FSIP2: variants seen among roughly 807,000 people sequenced by gnomAD.
FSIP2 encodes the protein fibrous sheath interacting protein 2.
A neutral mutation model predicts 510.5 loss-of-function variants in FSIP2; 367 were observed. That is an observed-to-expected ratio of 0.72 (90% CI 0.66 to 0.78). The LOEUF (loss-of-function observed/expected upper bound fraction) is 0.78, where lower values mean the gene tolerates loss of function less well. Among genes scored for constraint, FSIP2 ranks in the 30% least tolerant of loss-of-function variants. FSIP2 has a pLI of 0.00. For synonymous variants in FSIP2, 2,601 were observed against 2,732.2 expected (o/e 0.95, Z 1.50); for missense variants, 7,594 against 7,901.7 (o/e 0.96, Z 1.48).
chr2:185,796,513 T>C lies in FSIP2; in HGVS notation c.9377T>C (p.Met3126Thr), dbSNP rs766899369. Reference sequence around the variant, plus strand: ...GCAAGTGAGATCATTGGCACACTAATGGACCAGTGTACTTATTTCAATGAG... The same window carrying C: ...GCAAGTGAGATCATTGGCACACTAACGGACCAGTGTACTTATTTCAATGAG... ...IVASEIIGTL[M>T]DQCTYFNESL... Residue 3126 changes from methionine (M) to threonine (T), a missense_variant, in exon 16 of 23, where the codon ATG (methionine) becomes ACG (threonine). Met to Thr is a moderately conservative substitution (Grantham distance 81). Coordinates refer to ENST00000424728, the MANE Select transcript of FSIP2 (RefSeq NM_173651.4). The C allele has an allele frequency of 4.3e-5, 66 of 1,535,016 alleles. No individual in the cohort carries two copies. The African/African-American group carries it at 7.1e-4, about 17-fold the overall frequency.
rs750880254 is a variant in FSIP2, at chr2:185,806,501, A to C, written c.17195A>C (p.Lys5732Thr). The C allele has an allele frequency of 6.2e-7, 1 of 1,602,700 alleles. No individual in the cohort carries two copies. Among genetic ancestry groups the C allele is most frequent in the African/African-American group, 1.4e-5 (1 of 73,870 alleles). The change falls in exon 17 of 23, where the codon AAA becomes ACA. Residue 5732 changes from lysine (K) to threonine (T), a missense_variant. Lys to Thr is a moderately conservative substitution (Grantham distance 78, BLOSUM62 -1). Coordinates refer to ENST00000424728, the MANE Select transcript of FSIP2 (RefSeq NM_173651.4). ...SRDSAQSVTT[K>T]KVSSSTNKNI... ...GATTCGGCACAGTCTGTTACAACAA[A>C]AAAAGTATCCTCCTCAACTAACAAA...
chr2:185,825,544 A>G (rs1033360688), intron 20 of FSIP2, among the ~76,000 whole-genome samples: 59 of 151,786 alleles, frequency 3.9e-4, no homozygotes, highest in African/African-American at 1.4e-3. Flanking sequence ...ATATCCATGT[A>G]ATACTCCTGC....
At position 185,797,369 on chromosome 2, in the gene FSIP2, A is replaced by T. The variant is rs77383516; in HGVS notation, c.10233A>T (p.Gln3411His). ...GCCGGGAAGATTCTTCTTTTTTGCA[A>T]AAATTGAAAAAAAAGGAGTACCCAA... The part of the protein sequence containing the change: ...EASREDSSFL[Q>H]KLKKKEYPKI... Residue 3411 changes from glutamine (Q) to histidine (H), a missense_variant, in exon 16 of 23, where the codon CAA becomes CAT. Gln to His is a conservative substitution (Grantham distance 24). Coordinates refer to ENST00000424728, the MANE Select transcript of FSIP2 (RefSeq NM_173651.4). 1 of 1,526,900 alleles carries T rather than the reference A, an allele frequency of 6.5e-7. No individual in the cohort carries two copies. Among genetic ancestry groups the T allele is most frequent in the Non-Finnish European group, 8.7e-7 (1 of 1,144,342 alleles). 94.6% of individuals were successfully genotyped at this position (1,526,900 alleles called of 1,614,324 possible).
In FSIP2 at chr2:185,805,938, T is replaced by C. The variant is rs777663170; in HGVS notation, c.16632T>C (p.Thr5544=). The change falls in exon 17 of 23, where the codon ACT becomes ACC. Residue 5544 remains threonine (T), a synonymous_variant. Transcript: ENST00000424728. ...ENVSKVTSTT[T]VKSKDTQEPN... ...TATCAAAAGTTACTTCAACTACCACTGTGAAAAGTAAAGATACTCAGGAGC... is the reference window on the plus strand; with the variant it reads ...TATCAAAAGTTACTTCAACTACCACCGTGAAAAGTAAAGATACTCAGGAGC... 1.3e-6 allele frequency: 2 copies of C among 1,587,032 alleles called. No homozygotes were observed. The highest frequency in any genetic ancestry group is 1.2e-5 in the South Asian group (1 of 85,152).
chr2:185,805,253 C>T lies in FSIP2; in HGVS notation c.15947C>T (p.Ala5316Val). The change falls in exon 17 of 23, where the codon GCA (alanine) becomes GTA (valine). Residue 5316 changes from alanine (A) to valine (V), a missense_variant. By Grantham distance (64) the Ala-to-Val change is moderately conservative. Transcript: ENST00000424728. ...LDIMGLALKL[A>V]NSLIREFKKS... is the part of the protein sequence containing the mutation. Reference sequence around the variant, plus strand: ...ATTATGGGCTTGGCTCTAAAACTTGCAAATTCTCTGATAAGGGAATTTAAG... The same window carrying T: ...ATTATGGGCTTGGCTCTAAAACTTGTAAATTCTCTGATAAGGGAATTTAAG... 2 of 1,588,902 alleles carry T rather than the reference C, an allele frequency of 1.3e-6. No homozygotes were observed. Among genetic ancestry groups the T allele is most frequent in the Non-Finnish European group, 1.7e-6 (2 of 1,171,036 alleles).
chr2:185,832,176 C>T (rs1694120372), intron 22 of FSIP2, among the ~76,000 whole-genome samples: 1 of 151,752 alleles, frequency 6.6e-6, no homozygotes, highest in African/African-American at 2.4e-5. Context: ...AGAAAAATGA[C>T]AATAGGTTAT....
chr2:185,771,830 T>G (rs1244389090), intron 13 of FSIP2, among the ~76,000 whole-genome samples: 1 of 152,198 alleles, frequency 6.6e-6, no homozygotes, highest in African/African-American at 2.4e-5. Flanking sequence ...CTTGTGAACC[T>G]TACAAATTTT....
At position 185,790,718 on chromosome 2, in the gene FSIP2, A is replaced by G. The variant is rs946218029; in HGVS notation, c.3582A>G (p.Ser1194=). ...CCAATACCACTAAAAGTTCCATTTC[A>G]TCATCAGTTCATCAGATTTCCTTAC... The part of the protein sequence containing the change: ...YISNTTKSSI[S]SSVHQISLHN... The change falls in exon 16 of 23, where the codon TCA becomes TCG. Residue 1194 remains serine (S), a synonymous_variant. Coordinates refer to ENST00000424728, the MANE Select transcript of FSIP2 (RefSeq NM_173651.4). The G allele has an allele frequency of 2.0e-6, 3 of 1,534,016 alleles. No homozygotes were observed. The highest frequency in any genetic ancestry group is 2.4e-5 in the South Asian group (2 of 84,004).
At chr2:185,783,569 A>AGAC (rs1233859994) in intron 14 of FSIP2, 1 of 152,146 alleles carries the variant, frequency 6.6e-6, no homozygotes, top group African/African-American at 2.4e-5. Context: ...TTTTACTTTA[A>AGAC]GACTGATAAA....
chr2:185,791,769 G>T lies in FSIP2; in HGVS notation c.4633G>T (p.Val1545Phe). ...AATCTCCAGCATAGTTTCCAGAAGG[G>T]TTCAGGAGGACAATAAAGAAGAGAC... is the stretch of plus-strand genomic sequence containing the variant. ...KIISSIVSRR[V>F]QEDNKEETKS... Residue 1545 changes from valine (V) to phenylalanine (F), a missense_variant, in exon 16 of 23, where the codon GTT becomes TTT. Transcript: ENST00000424728. 6.5e-7 allele frequency: 1 copy of T among 1,534,536 alleles called. No individual in the cohort carries two copies.
Position 185,788,905 on chromosome 2 carries a change from C to T in FSIP2, c.1769C>T (p.Thr590Met), listed in dbSNP as rs762610720. ...GAACCCTGTGCATTTGTAGTTGACA[C>T]GTCAGTAAGGAGACCAACCACACCT... is the stretch of plus-strand genomic sequence containing the variant. The part of the protein sequence containing the change: ...QAEPCAFVVD[T>M]SVRRPTTPIK... The change falls in exon 16 of 23, where the codon ACG (threonine) becomes ATG (methionine). Residue 590 changes from threonine to methionine, a missense_variant. Physicochemically the swap from Thr to Met is moderately conservative, Grantham distance 81. Coordinates refer to ENST00000424728, the MANE Select transcript of FSIP2 (RefSeq NM_173651.4). The T allele has an allele frequency of 2.3e-4, 358 of 1,534,900 alleles. No homozygotes were observed. Among genetic ancestry groups the T allele is most frequent in the Non-Finnish European group, 2.4e-4 (280 of 1,146,036 alleles).
intron 12 of FSIP2, among the ~76,000 whole-genome samples, chr2:185,764,151 G>A (rs1692412260): frequency 6.6e-6 from 1 of 151,546 alleles, no homozygotes; most frequent in South Asian, 2.1e-4. Flanking sequence ...AGGGTAATGT[G>A]TGCACTATCA....
intron 9 of FSIP2, among the ~76,000 whole-genome samples, chr2:185,759,314 T>A (rs1321322550): frequency 1.3e-5 from 2 of 150,032 alleles, no homozygotes; most frequent in African/African-American, 4.9e-5. Context: ...TATTATAAAT[T>A]ACTTTGATTT....
Position 185,831,599 on chromosome 2 carries a change from A to G in FSIP2, c.20518-214A>G, listed in dbSNP as rs377377783. On this transcript the variant is annotated intron_variant, in intron 21 of 22. Transcript: ENST00000424728. ...TTAGTGCTAGCCAAAGTCTGCATTC[A>G]TAACAAGGGTCAATCTTAGGCATCT... Among the ~76,000 whole-genome samples, 5 of 152,062 alleles carry G rather than the reference A, an allele frequency of 3.3e-5. No individual in the cohort carries two copies. In the South Asian group the frequency reaches 6.2e-4, roughly 19 times the overall value.
chr2:185,805,530 A>G lies in FSIP2; in HGVS notation c.16224A>G (p.Ser5408=), dbSNP rs755477915. 1.4e-5 allele frequency: 23 copies of G among 1,611,574 alleles called. No homozygotes were observed. Among genetic ancestry groups the G allele is most frequent in the Admixed American group, 6.7e-5 (4 of 59,728 alleles). ...FSGDWSSTFF[S]FLNPDNITQR... is the part of the protein sequence containing the mutation. ...GAGACTGGTCTTCCACCTTCTTTTC[A>G]TTTCTAAATCCAGATAATATCACCC... Residue 5408 remains serine (S), a synonymous_variant, in exon 17 of 23, where the codon TCA becomes TCG. Transcript: ENST00000424728.
At chr2:185,738,387 G>A (rs1447373825), upstream of FSIP2, 4 of 541,758 alleles carry the variant, frequency 7.4e-6, no homozygotes, top group African/African-American at 1.9e-5. Context: ...AAGGCAATGA[G>A]CCCCTTAGGA....
chr2:185,821,215 T>G (rs1693913714), intron 19 of FSIP2, among the ~76,000 whole-genome samples: 1 of 151,776 alleles, frequency 6.6e-6, no homozygotes, highest in Admixed American at 6.6e-5. Flanking sequence ...ATGGATAAAT[T>G]CCTAGAAATA....
rs1693499591 is a variant in FSIP2 at position 185,803,867 on chromosome 2, T to C, written c.14561T>C (p.Met4854Thr). The change falls in exon 17 of 23, where the codon ATG becomes ACG. Residue 4854 changes from methionine (M) to threonine (T), a missense_variant. Physicochemically the swap from Met to Thr is moderately conservative, Grantham distance 81. Transcript: ENST00000424728. ...AAATATGGGAATAAAAAACAGAGTA[T>C]GATTTCAGCAAAAGATATCCAGTCT... ...IIKYGNKKQS[M>T]ISAKDIQSMV... The C allele has an allele frequency of 2.0e-6, 3 of 1,521,388 alleles. No homozygotes were observed. Among genetic ancestry groups the C allele is most frequent in the African/African-American group, 1.4e-5 (1 of 72,294 alleles). 94.2% of individuals were successfully genotyped at this position (1,521,388 alleles called of 1,614,324 possible).
chr2:185,807,371 C>G lies in FSIP2; in HGVS notation c.18065C>G (p.Ser6022Cys), dbSNP rs1161781249. 3.7e-6 allele frequency: 6 copies of G among 1,609,052 alleles called. No individual in the cohort carries two copies. In the East Asian group the frequency reaches 1.3e-4, roughly 36 times the overall value. ...GAGAATGTGATTTCTGCTCTTTTCT[C>G]CAAAATTTTCTCAACAATATCCAGC... The part of the protein sequence containing the change: ...FLENVISALF[S>C]KIFSTISSTK... Residue 6022 changes from serine (S) to cysteine (C), a missense_variant, in exon 17 of 23, where the codon TCC (serine) becomes TGC (cysteine). Coordinates refer to ENST00000424728, the MANE Select transcript of FSIP2 (RefSeq NM_173651.4).
Sources: gnomAD v4.1 joint callset for allele counts (sites outside exome capture counted in the v4.1 genomes callset) on GRCh38, gnomAD v4.1.1 for gene constraint, MANE v1.5 for transcripts, NCBI Gene and HGNC (gene_info 2026-07-23, HGNC 2026-07-21) for gene names.